Variants in ARHGEF10L observed in about 807,000 individuals in gnomAD.
The protein encoded by ARHGEF10L is rho guanine nucleotide exchange factor 10-like protein.
In ARHGEF10L, 69 loss-of-function variants were observed where a neutral mutation model predicts 141.2. That is an observed-to-expected ratio of 0.49 (90% CI 0.40 to 0.60). ARHGEF10L has a LOEUF of 0.60. Ranked by LOEUF, ARHGEF10L falls within the 20% of genes least tolerant of loss-of-function variation. The pLI is 0.00. For synonymous variants in ARHGEF10L, 711 were observed against 718.5 expected (o/e 0.99, Z 0.17); for missense variants, 1,482 against 1,734.3 (o/e 0.85, Z 2.58).
At chr1:17,559,947 T>C (rs1344484700) in intron 1 of ARHGEF10L, among the ~76,000 whole-genome samples, 1 of 152,130 alleles carries the variant, frequency 6.6e-6, no homozygotes, top group African/African-American at 2.4e-5. Flanking sequence ...ATTTGAATTC[T>C]CAGGGTTGGG....
rs1215382018 is a variant in ARHGEF10L, at chr1:17,644,012, C to A, written c.2272+3710C>A. On this transcript the variant is annotated intron_variant, in intron 21 of 28. Coordinates refer to ENST00000361221, the MANE Select transcript of ARHGEF10L (RefSeq NM_018125.4). The surrounding 1 kb of genome is among the most constrained non-coding windows in gnomAD (Gnocchi z 4.5). ...CTCCTGTACCCTCCCCCGCCACCAC[C>A]TGCTCTGCTCACAAAGCTGCATTGC... is the stretch of plus-strand genomic sequence containing the variant. Among the ~76,000 whole-genome samples the A allele has an allele frequency of 1.3e-5, 2 of 152,198 alleles. No homozygotes were observed. The highest frequency in any genetic ancestry group is 2.9e-5 in the Non-Finnish European group (2 of 68,026).
At chr1:17,518,310 A>C in the ARHGEF10L span, among the ~76,000 whole-genome samples, 1 of 152,100 alleles carries the variant, frequency 6.6e-6, no homozygotes. Context: ...CAGACTGCTG[A>C]TCCGTGAGTG....
chr1:17,546,654 G>C lies in ARHGEF10L; in HGVS notation c.-44+6704G>C, dbSNP rs142822761. 2.6e-3 allele frequency among the ~76,000 whole-genome samples: 403 copies of C among 152,202 alleles called. 1 individual carries two copies. Among genetic ancestry groups the C allele is most frequent in the Middle Eastern group, 0.02 (6 of 294 alleles). ...GAGGGAGAGATTCATCACATGCCTG[G>C]AATCTCAGCACACTTTGCCTTTCTT... is the stretch of plus-strand genomic sequence containing the variant. On this transcript the variant is annotated intron_variant, in intron 1 of 28. Transcript: ENST00000361221.
At chr1:17,630,517 G>A (rs1415317634) in intron 15 of ARHGEF10L, among the ~76,000 whole-genome samples, 2 of 152,214 alleles carry the variant, frequency 1.3e-5, no homozygotes, top group Non-Finnish European at 2.9e-5. Context: ...GCAGCTGTGG[G>A]GGACCCCAAG....
chr1:17,686,267 G>C (rs1022427761), intron 26 of ARHGEF10L, among the ~76,000 whole-genome samples: 2 of 152,122 alleles, frequency 1.3e-5, no homozygotes, highest in African/African-American at 2.4e-5. Flanking sequence ...CTAGTCTGCT[G>C]TGCCTGAGTT....
chr1:17,517,033 C>G, the ARHGEF10L span, among the ~76,000 whole-genome samples: 1 of 152,188 alleles, frequency 6.6e-6, no homozygotes, highest in African/African-American at 2.4e-5. Context: ...CAGTCTGACT[C>G]TGGTGCAAAG....
chr1:17,626,078 C>G (rs1490235097), intron 14 of ARHGEF10L, 30 bp downstream of exon 14: 1 of 1,607,724 alleles, frequency 6.2e-7, no homozygotes, highest in Non-Finnish European at 8.5e-7. Context: ...CAGCTTCAAC[C>G]CACAGGGTTT....
At chr1:17,691,842 A>G (rs1186159454) in intron 27 of ARHGEF10L, among the ~76,000 whole-genome samples, 3 of 152,148 alleles carry the variant, frequency 2.0e-5, no homozygotes, top group Non-Finnish European at 4.4e-5. Context: ...CCATCTGTCC[A>G]TCCATCCATC....
intron 8 of ARHGEF10L, among the ~76,000 whole-genome samples, chr1:17,614,887 A>G (rs2101169702): frequency 6.6e-6 from 1 of 152,220 alleles, no homozygotes; most frequent in South Asian, 2.1e-4. Flanking sequence ...CAGACCCCCA[A>G]GAAGTGCTTG....
intron 1 of ARHGEF10L, among the ~76,000 whole-genome samples, chr1:17,567,796 A>G (rs111491615): frequency 8.3e-4 from 127 of 152,242 alleles, no homozygotes; most frequent in African/African-American, 2.9e-3. Context: ...TGTGCTGACT[A>G]TGCGGATGCA....
At chr1:17,585,862 C>A (rs2078979884) in intron 2 of ARHGEF10L, among the ~76,000 whole-genome samples, 1 of 152,192 alleles carries the variant, frequency 6.6e-6, no homozygotes, top group African/African-American at 2.4e-5. Context: ...AGGGCTGGGT[C>A]CGCAGACCCA....
At chr1:17,564,097 G>T (rs1474362680) in intron 1 of ARHGEF10L, among the ~76,000 whole-genome samples, 2 of 152,192 alleles carry the variant, frequency 1.3e-5, no homozygotes, top group Admixed American at 1.3e-4. Flanking sequence ...CAGCCACAGA[G>T]CGGGAGGGTG....
intron 6 of ARHGEF10L, among the ~76,000 whole-genome samples, chr1:17,606,106 G>A (rs574029862): frequency 2.0e-5 from 3 of 152,228 alleles, no homozygotes; most frequent in Admixed American, 2.0e-4. Flanking sequence ...GCCACCATGA[G>A]TGACGGCCTA....
At chr1:17,589,874 G>A (rs765505991) in intron 4 of ARHGEF10L, among the ~76,000 whole-genome samples, 2 of 152,154 alleles carry the variant, frequency 1.3e-5, no homozygotes, top group Non-Finnish European at 2.9e-5. Context: ...CTGGGACACT[G>A]ACTGGAGGGG....
chr1:17,592,635 A>G (rs1313824583), intron 4 of ARHGEF10L, among the ~76,000 whole-genome samples: 1 of 152,160 alleles, frequency 6.6e-6, no homozygotes, highest in Non-Finnish European at 1.5e-5. Flanking sequence ...GGTGTGGGGG[A>G]CATAGGGGCT....
intron 26 of ARHGEF10L, among the ~76,000 whole-genome samples, chr1:17,675,637 G>A (rs1187200430): frequency 6.6e-6 from 1 of 151,252 alleles, no homozygotes; most frequent in Non-Finnish European, 1.5e-5. Flanking sequence ...GGATAGGTTT[G>A]TGTGCAGGTG....
intron 6 of ARHGEF10L, among the ~76,000 whole-genome samples, chr1:17,606,615 T>A (rs200235609): frequency 0.045 from 6,501 of 144,196 alleles, 411 homozygotes; most frequent in African/African-American, 0.15. Flanking sequence ...TTTTTTTTTT[T>A]AAAAAAACAC....
At chr1:17,553,562 G>A (rs1359413065) in intron 1 of ARHGEF10L, among the ~76,000 whole-genome samples, 3 of 151,980 alleles carry the variant, frequency 2.0e-5, no homozygotes, top group South Asian at 2.1e-4. Context: ...TGGGAGTGTC[G>A]CTTGAGCCCT....
At chr1:17,564,981 C>T (rs191480617) in intron 1 of ARHGEF10L, among the ~76,000 whole-genome samples, 425 of 152,304 alleles carry the variant, frequency 2.8e-3, no homozygotes, top group Non-Finnish European at 4.5e-3. Flanking sequence ...GCACTTCACT[C>T]CCACCCAAGG....
Sources: allele counts gnomAD v4.1 joint callset (sites outside exome capture counted in the v4.1 genomes callset), GRCh38; gene constraint gnomAD v4.1.1; non-coding constraint Gnocchi (gnomAD v3.1); transcripts MANE v1.5; gene names NCBI Gene and HGNC (gene_info 2026-07-23, HGNC 2026-07-21).